CACNA2D1: variants seen among roughly 807,000 people sequenced by gnomAD.
The protein encoded by CACNA2D1 is calcium voltage-gated channel auxiliary subunit alpha2delta 1, also known as voltage-dependent calcium channel subunit alpha-2/delta-1.
Under a neutral mutation model 171.5 loss-of-function variants are expected in CACNA2D1, and 53 were observed. That is an observed-to-expected ratio of 0.31 (90% confidence interval 0.25 to 0.39). The LOEUF is 0.39. Ranked by LOEUF, CACNA2D1 falls within the 10% of genes least tolerant of loss-of-function variation. The pLI is 1.00. For missense variants in CACNA2D1, 903 were observed against 1,299.8 expected (o/e 0.69, Z 4.69); for synonymous variants, 442 against 443.1 (o/e 1.00, Z 0.03).
intron 18 of CACNA2D1, chr7:82,001,715 G>A (rs1379798645): frequency 3.3e-6 from 4 of 1,220,694 alleles, no homozygotes; most frequent in South Asian, 2.5e-5. Context: ...ACACCAATAG[G>A]CTGAAGCAAC....
chr7:82,390,442 T>G (rs1050845695), intron 1 of CACNA2D1, among the ~76,000 whole-genome samples: 1 of 152,160 alleles, frequency 6.6e-6, no homozygotes, highest in Non-Finnish European at 1.5e-5. Context: ...CTCAGGTAAT[T>G]GAGCAAACCT....
At position 82,111,021 on chromosome 7, in the gene CACNA2D1, A is replaced by G. The variant is rs1352466397; in HGVS notation, c.526+6023T>C. On this transcript the variant is annotated intron_variant, in intron 6 of 38. Transcript: ENST00000356860. Reference sequence around the variant, plus strand: ...ATATTCCCATTATCTGGAAAAGTACATGACATACTAGGTCCTTAATAAGTA... The same window carrying G: ...ATATTCCCATTATCTGGAAAAGTACGTGACATACTAGGTCCTTAATAAGTA... 2.6e-5 allele frequency among the ~76,000 whole-genome samples: 4 copies of G among 152,256 alleles called. No homozygotes were observed. The East Asian group carries it at 7.7e-4, about 29-fold the overall frequency.
At chr7:82,220,411 A>G (rs1457211207) in intron 3 of CACNA2D1, among the ~76,000 whole-genome samples, 1 of 152,176 alleles carries the variant, frequency 6.6e-6, no homozygotes, top group Non-Finnish European at 1.5e-5. Context: ...GTTATAGATG[A>G]CAATTTTGTT....
At chr7:82,069,471 T>C (rs1808056921) in intron 7 of CACNA2D1, among the ~76,000 whole-genome samples, 1 of 152,180 alleles carries the variant, frequency 6.6e-6, no homozygotes, top group Admixed American at 6.5e-5. Context: ...ACAGGAATGT[T>C]TTCCCCTGAT....
intron 6 of CACNA2D1, among the ~76,000 whole-genome samples, chr7:82,099,034 G>A (rs1812291663): frequency 6.6e-6 from 1 of 152,150 alleles, no homozygotes; most frequent in Non-Finnish European, 1.5e-5. Context: ...ATACTGAAAT[G>A]AATTTTACCA....
chr7:82,009,240 G>A (rs1226144847), intron 15 of CACNA2D1: 1 of 152,012 alleles, frequency 6.6e-6, no homozygotes, highest in Non-Finnish European at 1.5e-5. Flanking sequence ...AGTTTCCTGA[G>A]GCCTCCCCAG....
At chr7:82,315,829 C>T (rs1254595163) in intron 3 of CACNA2D1, among the ~76,000 whole-genome samples, 6 of 152,056 alleles carry the variant, frequency 3.9e-5, no homozygotes, top group East Asian at 3.9e-4. Flanking sequence ...AACTAATGCC[C>T]GCTAACAGTA....
At chr7:82,182,831 T>C (rs1020502314) in intron 3 of CACNA2D1, among the ~76,000 whole-genome samples, 1 of 151,634 alleles carries the variant, frequency 6.6e-6, no homozygotes, top group African/African-American at 2.4e-5. Context: ...AAGTCGGGAG[T>C]TCGAGACCTG....
chr7:82,146,933 C>T (rs960401171), intron 4 of CACNA2D1, among the ~76,000 whole-genome samples: 10 of 127,448 alleles, frequency 7.8e-5, no homozygotes, highest in African/African-American at 2.1e-4. Context: ...TGCAGTGAGC[C>T]GAGTCAGCAC....
rs1585021093 is a variant in CACNA2D1 at position 82,180,260 on chromosome 7, C to T, written c.295-9651G>A. Among the ~76,000 whole-genome samples, 5 of 152,106 alleles carry T rather than the reference C, an allele frequency of 3.3e-5. No individual in the cohort carries two copies. The South Asian group carries it at 1.0e-3, about 32-fold the overall frequency. On this transcript the variant is annotated intron_variant, in intron 3 of 38. Transcript: ENST00000356860. ...GGCAAGTGCGGTGTCCTGGCAGACC[C>T]CTTTAGATGACTGGGGTTTCCCAAA...
At chr7:81,972,415 T>C (rs1319605977) in intron 25 of CACNA2D1, among the ~76,000 whole-genome samples, 1 of 151,730 alleles carries the variant, frequency 6.6e-6, no homozygotes, top group Non-Finnish European at 1.5e-5. Context: ...AATCTTGGAG[T>C]AAATAAGACT....
At chr7:82,429,529 A>C (rs1829495723) in intron 1 of CACNA2D1, among the ~76,000 whole-genome samples, 1 of 152,190 alleles carries the variant, frequency 6.6e-6, no homozygotes. Context: ...GACCAAATCC[A>C]AGACTTGCAA....
intron 1 of CACNA2D1, among the ~76,000 whole-genome samples, chr7:82,372,543 G>T (rs12536871): frequency 0.5 from 69,511 of 138,338 alleles, 16,551 homozygotes; most frequent in Middle Eastern, 0.6. Context: ...GTAGTACAAA[G>T]AAAGCAGAAA....
At chr7:82,071,882 T>C (rs1485602537) in intron 7 of CACNA2D1, among the ~76,000 whole-genome samples, 1 of 152,128 alleles carries the variant, frequency 6.6e-6, no homozygotes, top group African/African-American at 2.4e-5. Context: ...AATTTTCCTG[T>C]CTTCTTTTGG....
intron 3 of CACNA2D1, among the ~76,000 whole-genome samples, chr7:82,316,278 C>T (rs1815110956): frequency 6.6e-6 from 1 of 152,180 alleles, no homozygotes; most frequent in Non-Finnish European, 1.5e-5. Context: ...AAGTCTCTCA[C>T]TGAATAGCAT....
chr7:82,335,336 A>G (rs1452913494), intron 2 of CACNA2D1, 85 bp from the exon 3 acceptor site: 10 of 815,090 alleles, frequency 1.2e-5, no homozygotes, highest in Middle Eastern at 3.1e-4. Context: ...TTAAAACTAT[A>G]AACAACTGAT....
chr7:82,187,565 A>T (rs2129180984), intron 3 of CACNA2D1, among the ~76,000 whole-genome samples: 1 of 151,246 alleles, frequency 6.6e-6, no homozygotes, highest in East Asian at 2.0e-4. Flanking sequence ...CCAAAAAAAA[A>T]GATATTAATA....
At chr7:82,099,555 T>C (rs1812410365) in intron 6 of CACNA2D1, among the ~76,000 whole-genome samples, 1 of 101,032 alleles carries the variant, frequency 9.9e-6, no homozygotes, top group African/African-American at 3.4e-5. Context: ...GTTCACGCCA[T>C]TCTCCTGCCT....
At chr7:82,250,356 A>T (rs1284036811) in intron 3 of CACNA2D1, among the ~76,000 whole-genome samples, 1 of 152,226 alleles carries the variant, frequency 6.6e-6, no homozygotes, top group Non-Finnish European at 1.5e-5. Context: ...TACTACGTGG[A>T]GAGAGAAAAG....
Sources: allele counts gnomAD v4.1 joint callset (sites outside exome capture counted in the v4.1 genomes callset), GRCh38; gene constraint gnomAD v4.1.1; transcripts MANE v1.5; gene names NCBI Gene and HGNC (gene_info 2026-07-23, HGNC 2026-07-21).